The following PTPRZ1 variants were observed in gnomAD, a reference collection of about 807,000 sequenced individuals.
PTPRZ1 encodes protein tyrosine phosphatase receptor type Z1.
Under a neutral mutation model 214.1 loss-of-function variants are expected in PTPRZ1, and 82 were observed. That is an observed-to-expected ratio of 0.38 (90% CI 0.32 to 0.46). The LOEUF (loss-of-function observed/expected upper bound fraction) is 0.46. Among genes scored for constraint, PTPRZ1 ranks in the 20% least tolerant of loss-of-function variants. The pLI is 1.00. For missense variants in PTPRZ1, 2,603 were observed against 2,748.7 expected, an observed-to-expected ratio of 0.95 and a Z score of 1.19; for synonymous variants, 945 against 987.9, an observed-to-expected ratio of 0.96 and a Z score of 0.81.
intron 1 of PTPRZ1, among the ~76,000 whole-genome samples, chr7:121,913,178 A>C (rs1262664432): frequency 6.6e-6 from 1 of 152,210 alleles, no homozygotes; most frequent in Non-Finnish European, 1.5e-5. Context: ...CATATGATGC[A>C]TGAGAAGGCT....
intron 23 of PTPRZ1, among the ~76,000 whole-genome samples, chr7:122,048,419 T>C (rs746972241): frequency 7.9e-5 from 12 of 152,236 alleles, no homozygotes; most frequent in Non-Finnish European, 1.3e-4. Flanking sequence ...TTGAATATAT[T>C]TGTGACAATA....
chr7:122,014,744 G>A (rs183775230), intron 12 of PTPRZ1, among the ~76,000 whole-genome samples: 140 of 152,204 alleles, frequency 9.2e-4, no homozygotes, highest in African/African-American at 2.7e-3. Flanking sequence ...GGCCAGGGAG[G>A]TATTTATGTA....
rs1295463213 is a variant in PTPRZ1, at chr7:122,039,474, G to A, written c.5523G>A (p.Trp1841Ter). 1 of 1,614,022 alleles carries A rather than the reference G, an allele frequency of 6.2e-7. No homozygotes were observed. The highest frequency in any genetic ancestry group is 8.5e-7 in the Non-Finnish European group (1 of 1,179,974). The change falls in exon 20 of 30, where the codon TGG becomes TGA. Residue 1841 changes from tryptophan to a stop codon, truncating the protein, a stop_gained. Coordinates refer to ENST00000393386, the MANE Select transcript of PTPRZ1 (RefSeq NM_002851.3). LOFTEE classifies it high-confidence loss of function. Reference protein sequence around the residue: ...EKGRRKCDQYWPADGSEEYGN... With the variant: ...EKGRRKCDQY Reference sequence around the variant, plus strand: ...TGCAGAGAAAATGTGATCAGTACTGGCCTGCCGATGGGAGTGAGGAGTACG... The same window carrying A: ...TGCAGAGAAAATGTGATCAGTACTGACCTGCCGATGGGAGTGAGGAGTACG...
intron 1 of PTPRZ1, among the ~76,000 whole-genome samples, chr7:121,902,761 T>G (rs1795005035): frequency 6.6e-6 from 1 of 152,166 alleles, no homozygotes; most frequent in Non-Finnish European, 1.5e-5. Context: ...CTGAACTTTC[T>G]TTTACCTATT....
intron 2 of PTPRZ1, among the ~76,000 whole-genome samples, chr7:121,937,462 G>T: frequency 6.6e-6 from 1 of 152,134 alleles, no homozygotes; most frequent in Non-Finnish European, 1.5e-5. Flanking sequence ...CACCCAGAGT[G>T]TTCCTCTTTC....
intron 1 of PTPRZ1, among the ~76,000 whole-genome samples, chr7:121,926,145 A>G (rs932371713): frequency 2.0e-5 from 3 of 152,084 alleles, no homozygotes; most frequent in African/African-American, 7.2e-5. Context: ...TCTACTAAAA[A>G]TTCAAAAAAA....
At chr7:122,016,745 A>T (rs1198470840) in intron 12 of PTPRZ1, among the ~76,000 whole-genome samples, 1 of 151,716 alleles carries the variant, frequency 6.6e-6, no homozygotes, top group Non-Finnish European at 1.5e-5. Flanking sequence ...TGCTATACAT[A>T]TATAAATGAA....
chr7:121,988,264 G>A (rs1264365932), intron 8 of PTPRZ1, among the ~76,000 whole-genome samples: 1 of 152,112 alleles, frequency 6.6e-6, no homozygotes, highest in Non-Finnish European at 1.5e-5. Context: ...AGATGATACA[G>A]AACTTTTTTT....
chr7:122,043,737 A>T (rs898814943), intron 22 of PTPRZ1, among the ~76,000 whole-genome samples: 1 of 152,132 alleles, frequency 6.6e-6, no homozygotes, highest in Admixed American at 6.6e-5. Context: ...GGGGAACAAC[A>T]CACACTGGGG....
intron 1 of PTPRZ1, among the ~76,000 whole-genome samples, chr7:121,878,990 T>C (rs1418679384): frequency 6.6e-6 from 1 of 152,190 alleles, no homozygotes; most frequent in Non-Finnish European, 1.5e-5. Flanking sequence ...AGCATTCACC[T>C]TGACCTGTCC....
intron 2 of PTPRZ1, among the ~76,000 whole-genome samples, chr7:121,931,853 G>A (rs899294846): frequency 6.6e-6 from 1 of 151,976 alleles, no homozygotes; most frequent in Non-Finnish European, 1.5e-5. Flanking sequence ...ATAACCTAAG[G>A]CCTATTGGCT....
At chr7:122,047,377 A>G (rs929809691) in intron 23 of PTPRZ1, among the ~76,000 whole-genome samples, 8 of 152,186 alleles carry the variant, frequency 5.3e-5, no homozygotes, top group Non-Finnish European at 1.0e-4. Flanking sequence ...CTTATGTTTT[A>G]ATATGAGACA....
rs146822358 is a variant in PTPRZ1, at chr7:121,901,340, T to A, written c.59-26816T>A. 8.5e-4 allele frequency among the ~76,000 whole-genome samples: 130 copies of A among 152,256 alleles called. 2 individuals are homozygous for A. In the East Asian group the frequency reaches 0.019, roughly 22 times the overall value. On this transcript the variant is annotated intron_variant, in intron 1 of 29. Coordinates refer to ENST00000393386, the MANE Select transcript of PTPRZ1 (RefSeq NM_002851.3). Reference sequence around the variant, plus strand: ...CAGGAAAAATGTAATAAAAGCCAGATTTAGGTAAATATTATTGCAGAAAAG... The same window carrying A: ...CAGGAAAAATGTAATAAAAGCCAGAATTAGGTAAATATTATTGCAGAAAAG...
chr7:121,879,321 C>T (rs919202675), intron 1 of PTPRZ1, among the ~76,000 whole-genome samples: 5 of 152,038 alleles, frequency 3.3e-5, no homozygotes, highest in South Asian at 4.1e-4. Flanking sequence ...CAAGTGCATG[C>T]GCCTGTGCTG....
In PTPRZ1 at chr7:122,053,762, T is replaced by C. The variant is rs978862014; in HGVS notation, c.6253-148T>C. ...TAACATACAAAGTGCCCAGTAAGCA[T>C]TGGCTATAATAATCATATTACTACA... On this transcript the variant is annotated intron_variant, in intron 25 of 29. Transcript: ENST00000393386. 12 of 938,648 alleles carry C rather than the reference T, an allele frequency of 1.3e-5. No homozygotes were observed. The Admixed American group carries it at 2.4e-4, about 19-fold the overall frequency. 58.1% of individuals were successfully genotyped at this position (938,648 alleles called of 1,614,324 possible).
intron 22 of PTPRZ1, 95 bp from the exon 23 acceptor site, chr7:122,044,327 C>T (rs1357286542): frequency 4.9e-6 from 7 of 1,439,622 alleles, no homozygotes; most frequent in Non-Finnish European, 6.7e-6. Context: ...TTCTGTAAAA[C>T]TCTCCTTGTC....
intron 2 of PTPRZ1, among the ~76,000 whole-genome samples, chr7:121,966,245 A>G (rs1236360932): frequency 1.3e-5 from 2 of 152,186 alleles, no homozygotes; most frequent in African/African-American, 2.4e-5. Context: ...ACAAAATGCG[A>G]TGGAAAATAG....
chr7:121,963,057 C>T (rs1051875358), intron 2 of PTPRZ1, among the ~76,000 whole-genome samples: 3 of 151,778 alleles, frequency 2.0e-5, no homozygotes, highest in African/African-American at 7.3e-5. Flanking sequence ...ATTTTGGCCT[C>T]TTTTATTTTG....
chr7:121,880,492 G>A (rs1022340198), intron 1 of PTPRZ1, among the ~76,000 whole-genome samples: 1 of 152,246 alleles, frequency 6.6e-6, no homozygotes, highest in Middle Eastern at 3.4e-3. Flanking sequence ...GTTACTGACT[G>A]AACTGCCTAT....
Sources: allele counts gnomAD v4.1 joint callset (sites outside exome capture counted in the v4.1 genomes callset), GRCh38; gene constraint gnomAD v4.1.1; transcripts MANE v1.5; gene names NCBI Gene and HGNC (gene_info 2026-07-23, HGNC 2026-07-21).